Variants in KREMEN1 observed in about 807,000 individuals in gnomAD.
KREMEN1 encodes the protein kringle containing transmembrane protein 1.
KREMEN1 carries 30 observed loss-of-function variants against 46.5 expected under a neutral mutation model. The ratio of observed to expected loss-of-function variants is 0.65; its 90% CI spans 0.48 to 0.88. The LOEUF is 0.88. Ranked by LOEUF, KREMEN1 falls within the 40% of genes least tolerant of loss-of-function variation. The pLI is 0.00. For missense variants in KREMEN1, 533 were observed against 596.9 expected, an observed-to-expected ratio of 0.89 and a Z score of 1.11; for synonymous variants, 214 against 230.6, an observed-to-expected ratio of 0.93 and a Z score of 0.65.
At chr22:29,075,560 G>A (rs568128794) in intron 1 of KREMEN1, among the ~76,000 whole-genome samples, 6 of 152,226 alleles carry the variant, frequency 3.9e-5, no homozygotes, top group East Asian at 3.9e-4. Context: ...GTGCCTTACC[G>A]TCCTGATAAC....
downstream of KREMEN1, among the ~76,000 whole-genome samples, chr22:29,147,942 T>C (rs1310485149): frequency 3.9e-5 from 6 of 152,176 alleles, no homozygotes; most frequent in South Asian, 4.1e-4. Flanking sequence ...TTGTGAGGCA[T>C]TGGGCTGTAT....
chr22:29,119,758 G>A (rs7288887), intron 3 of KREMEN1, among the ~76,000 whole-genome samples: 2,734 of 152,342 alleles, frequency 0.018, 83 homozygotes, highest in African/African-American at 0.063. Flanking sequence ...ACCATCTGAT[G>A]TGTGGCTGTG....
At chr22:29,078,182 TG>T (rs1025169365) in intron 1 of KREMEN1, among the ~76,000 whole-genome samples, 1 of 152,092 alleles carries the variant, frequency 6.6e-6, no homozygotes, top group African/African-American at 2.4e-5. Flanking sequence ...TCACTTGAGC[TG>T]GGAGGTCAGG....
At chr22:29,075,663 T>C (rs2037556762) in intron 1 of KREMEN1, among the ~76,000 whole-genome samples, 1 of 152,072 alleles carries the variant, frequency 6.6e-6, no homozygotes, top group African/African-American at 2.4e-5. Flanking sequence ...CCTGTCTAGA[T>C]CCTACTCACT....
At chr22:29,087,290 G>A (rs536747635) in intron 1 of KREMEN1, among the ~76,000 whole-genome samples, 3 of 151,908 alleles carry the variant, frequency 2.0e-5, no homozygotes, top group South Asian at 4.2e-4. Context: ...AGTGCTAAGC[G>A]GTCCCACAGA....
At chr22:29,149,783 T>C (rs778119499), downstream of KREMEN1, among the ~76,000 whole-genome samples, 8 of 152,126 alleles carry the variant, frequency 5.3e-5, no homozygotes, top group Non-Finnish European at 1.0e-4. Flanking sequence ...TGCCCTGTGT[T>C]CTCCTGAACC....
chr22:29,074,283 G>C lies in KREMEN1; in HGVS notation c.97+1056G>C, dbSNP rs541584246. ...CTATGACTCAGGTGATGGCGCAGAA[G>C]GGGGAGAGAAAAAAGGAAGCAGTGA... On this transcript the variant is annotated intron_variant, in intron 1 of 8. Coordinates refer to ENST00000400335, the MANE Select transcript of KREMEN1 (RefSeq NM_001039570.3). Among the ~76,000 whole-genome samples, 10 of 152,350 alleles carry C rather than the reference G, an allele frequency of 6.6e-5. No individual in the cohort carries two copies. In the East Asian group the frequency reaches 1.5e-3, roughly 24 times the overall value.
chr22:29,104,355 C>T (rs933428036), intron 3 of KREMEN1, among the ~76,000 whole-genome samples: 12 of 151,918 alleles, frequency 7.9e-5, no homozygotes, highest in African/African-American at 2.9e-4. Flanking sequence ...CAGGGTTTTG[C>T]CATGTTCCCC....
At chr22:29,080,798 A>G (rs2037640808) in intron 1 of KREMEN1, among the ~76,000 whole-genome samples, 1 of 152,180 alleles carries the variant, frequency 6.6e-6, no homozygotes, top group Non-Finnish European at 1.5e-5. Flanking sequence ...TACTACTGGC[A>G]TCTAGCCGGT....
Position 29,145,340 on chromosome 22 carries a change from G to C in KREMEN1, c.*3228G>C, listed in dbSNP as rs939460847. 3.0e-6 allele frequency: 3 copies of C among 985,442 alleles called. No homozygotes were observed. The African/African-American group carries it at 5.2e-5, about 17-fold the overall frequency. 61.0% of individuals were successfully genotyped at this position (985,442 alleles called of 1,614,324 possible). ...AGACTGCAGGAGAGGCAGGGGAGGG[G>C]CTTCGGGGACCACTGTGGACAGAGC... On this transcript the variant is annotated 3_prime_UTR_variant, in exon 9 of 9. Coordinates refer to ENST00000400335, the MANE Select transcript of KREMEN1 (RefSeq NM_001039570.3).
chr22:29,121,290 C>T (rs1004020705), intron 3 of KREMEN1, 67 bp from the exon 4 acceptor site: 7 of 1,586,362 alleles, frequency 4.4e-6, no homozygotes, highest in African/African-American at 2.7e-5. Context: ...TGGCACAAAT[C>T]GCTTTTCCTT....
chr22:29,074,400 G>A (rs1230654092), intron 1 of KREMEN1, among the ~76,000 whole-genome samples: 2 of 152,244 alleles, frequency 1.3e-5, no homozygotes, highest in Non-Finnish European at 2.9e-5. Context: ...CCTTAGACAG[G>A]TCACTCACTA....
In KREMEN1 at chr22:29,142,686, C is replaced by T. The variant is rs1206182013; in HGVS notation, c.*574C>T. ...TGTGCTGCCCCGGCAGCTTTGCTCT[C>T]CAGATGCTGGACTAGGGTGGGCCTC... On this transcript the variant is annotated 3_prime_UTR_variant, in exon 9 of 9. Transcript: ENST00000400335. The T allele has an allele frequency of 1.4e-5, 14 of 985,408 alleles. No homozygotes were observed. The highest frequency in any genetic ancestry group is 1.7e-5 in the African/African-American group (1 of 57,246). The allele number at this position is 985,408 out of a possible 1,614,324, so 61.0% of individuals were successfully genotyped here. A position where few individuals can be genotyped will look rare whatever the true frequency, so the allele number is the denominator to read the frequency against.
chr22:29,094,286 T>C lies in KREMEN1; in HGVS notation c.126T>C (p.Tyr42=), dbSNP rs761989035. Residue 42 remains tyrosine, a synonymous_variant, in exon 2 of 9, where the codon TAT becomes TAC. Coordinates refer to ENST00000400335, the MANE Select transcript of KREMEN1 (RefSeq NM_001039570.3). ...PECFTANGAD[Y]RGTQNWTALQ... ...GTTTCACAGCCAATGGTGCGGATTA[T>C]AGGGGAACACAGAACTGGACAGCAC... 4.7e-5 allele frequency: 76 copies of C among 1,612,798 alleles called. No individual in the cohort carries two copies. Among genetic ancestry groups the C allele is most frequent in the Non-Finnish European group, 5.9e-6 (7 of 1,179,638 alleles).
At chr22:29,150,523 T>C (rs914556695), downstream of KREMEN1, among the ~76,000 whole-genome samples, 3 of 152,234 alleles carry the variant, frequency 2.0e-5, no homozygotes, top group Admixed American at 2.0e-4. Context: ...ATTTCCGTCT[T>C]AGTAGCATTG....
intron 7 of KREMEN1, among the ~76,000 whole-genome samples, chr22:29,139,372 C>G (rs1569335545): frequency 6.6e-6 from 1 of 152,192 alleles, no homozygotes; most frequent in African/African-American, 2.4e-5. Flanking sequence ...GAGGCCGAGG[C>G]AGGAAGATTG....
chr22:29,135,391 T>A (rs1273819392), intron 5 of KREMEN1, among the ~76,000 whole-genome samples: 4 of 152,190 alleles, frequency 2.6e-5, no homozygotes, highest in African/African-American at 7.2e-5. Flanking sequence ...TTCTGTCTGT[T>A]TTCAGTGGCC....
chr22:29,129,270 C>A (rs1435839745), intron 5 of KREMEN1, among the ~76,000 whole-genome samples: 1 of 151,940 alleles, frequency 6.6e-6, no homozygotes, highest in Non-Finnish European at 1.5e-5. Flanking sequence ...TCGCTTCAAC[C>A]CGGGAGGTGG....
At chr22:29,114,402 C>T (rs1343764742) in intron 3 of KREMEN1, among the ~76,000 whole-genome samples, 2 of 146,756 alleles carry the variant, frequency 1.4e-5, no homozygotes, top group East Asian at 4.1e-4. Flanking sequence ...AGGAGAATCA[C>T]TTGAACCCAG....
Sources: allele counts gnomAD v4.1 joint callset (sites outside exome capture counted in the v4.1 genomes callset), GRCh38; gene constraint gnomAD v4.1.1; transcripts MANE v1.5; gene names NCBI Gene and HGNC (gene_info 2026-07-23, HGNC 2026-07-21).